The following ACSF3 variants were observed in gnomAD, a reference collection of about 807,000 sequenced individuals.
ACSF3 encodes the protein malonate--CoA ligase ACSF3, mitochondrial.
A neutral mutation model predicts 53.2 loss-of-function variants in ACSF3; 78 were observed. The ratio of observed to expected loss-of-function variants is 1.47; its 90% CI spans 1.22 to 1.77. The LOEUF is 1.77. ACSF3 is among the 40% of genes most tolerant of loss of function. The pLI, the probability that ACSF3 is intolerant of heterozygous loss-of-function variation, is 0.00. For missense variants in ACSF3, 937 were observed against 771.1 expected, an observed-to-expected ratio of 1.22 and a Z score of -2.55; for synonymous variants, 414 against 333.1, an observed-to-expected ratio of 1.24 and a Z score of -2.65.
chr16:89,126,331 C>T (rs1032682773), intron 7 of ACSF3, among the ~76,000 whole-genome samples: 6 of 151,932 alleles, frequency 3.9e-5, no homozygotes, highest in Admixed American at 1.3e-4. Context: ...TGTAGTGGTA[C>T]GATCTCAGCT....
At chr16:89,131,925 C>T (rs541633481) in intron 7 of ACSF3, among the ~76,000 whole-genome samples, 14 of 152,368 alleles carry the variant, frequency 9.2e-5, no homozygotes, top group African/African-American at 2.9e-4. Context: ...GTTTCACCCC[C>T]GTGGGTGGCG....
chr16:89,119,895 G>A (rs553136820), intron 6 of ACSF3, among the ~76,000 whole-genome samples: 1 of 152,310 alleles, frequency 6.6e-6, no homozygotes, highest in South Asian at 2.1e-4. Context: ...TTGAAGTGCC[G>A]GAAATCTCAG....
chr16:89,152,160 A>G (rs1301534685), intron 10 of ACSF3: 1 of 152,228 alleles, frequency 6.6e-6, no homozygotes, highest in Non-Finnish European at 1.5e-5. Flanking sequence ...CTCATTCAAC[A>G]CAGAGTTTGT....
intron 10 of ACSF3, chr16:89,151,135 G>A (rs1362228005): frequency 8.7e-6 from 8 of 920,788 alleles, no homozygotes; most frequent in African/African-American, 6.8e-5. Context: ...ATGGCGGCAC[G>A]GAGGGCTGCT....
chr16:89,135,061 T>C (rs1910135123), intron 8 of ACSF3, among the ~76,000 whole-genome samples: 1 of 151,018 alleles, frequency 6.6e-6, no homozygotes, highest in Admixed American at 6.6e-5. Flanking sequence ...CGGTGGTTTT[T>C]CTTTTCCTGG....
chr16:89,118,775 G>A (rs1270547329), intron 6 of ACSF3, among the ~76,000 whole-genome samples: 5 of 152,186 alleles, frequency 3.3e-5, no homozygotes, highest in African/African-American at 7.2e-5. Flanking sequence ...GGCGGTTTCC[G>A]TTCCCTGGGT....
At chr16:89,109,460 G>A (rs577113594) in intron 4 of ACSF3, among the ~76,000 whole-genome samples, 3 of 139,074 alleles carry the variant, frequency 2.2e-5, no homozygotes, top group African/African-American at 8.2e-5. Context: ...CGCTCAGGCT[G>A]GAGTGCAGTG....
At chr16:89,127,170 T>C (rs188977094) in intron 7 of ACSF3, among the ~76,000 whole-genome samples, 59 of 152,294 alleles carry the variant, frequency 3.9e-4, no homozygotes, top group African/African-American at 1.4e-3. Context: ...AATTTTGGTC[T>C]GTAGTTTCCC....
chr16:89,124,730 C>T (rs8050455), intron 7 of ACSF3, among the ~76,000 whole-genome samples: 106,651 of 151,612 alleles, frequency 0.7, 37,978 homozygotes, highest in Middle Eastern at 0.78. Context: ...ACTGCATATA[C>T]GTGTGTGTTA....
chr16:89,108,920 T>C (rs1272670088), intron 4 of ACSF3, among the ~76,000 whole-genome samples: 1 of 152,142 alleles, frequency 6.6e-6, no homozygotes, highest in Non-Finnish European at 1.5e-5. Context: ...ATGGTGACTT[T>C]CTGTTTAATG....
chr16:89,111,337 TGAG>T (rs755351972), intron 4 of ACSF3, among the ~76,000 whole-genome samples: 1 of 152,230 alleles, frequency 6.6e-6, no homozygotes, highest in African/African-American at 2.4e-5. Context: ...TGCAGTCCAG[TGAG>T]GAGATGAGAT....
At chr16:89,119,540 G>A (rs2151474955) in intron 6 of ACSF3, among the ~76,000 whole-genome samples, 1 of 152,304 alleles carries the variant, frequency 6.6e-6, no homozygotes, top group South Asian at 2.1e-4. Flanking sequence ...TGTTATGCGG[G>A]TTTCACCCCC....
intron 10 of ACSF3, 43 bp from the exon 11 acceptor site, chr16:89,154,047 C>A (rs1408047947): frequency 1.9e-6 from 3 of 1,589,900 alleles, no homozygotes; most frequent in Non-Finnish European, 1.7e-6. Flanking sequence ...TCCTGCTGGG[C>A]ACTGTCAGGG....
Position 89,145,985 on chromosome 16 carries a change from A to G in ACSF3, c.1549A>G (p.Thr517Ala), listed in dbSNP as rs1270625811. The change falls in exon 10 of 11, where the codon ACT becomes GCT. Residue 517 changes from threonine to alanine, a missense_variant. Thr to Ala is a moderately conservative substitution (Grantham distance 58). Coordinates refer to ENST00000614302, the MANE Select transcript of ACSF3 (RefSeq NM_001243279.3). ...GGATATGACATGGGGCCAGCGGGTCACTGCTGTGGTGACCCTCCGAGAAGG... is the reference window on the plus strand; with the variant it reads ...GGATATGACATGGGGCCAGCGGGTCGCTGCTGTGGTGACCCTCCGAGAAGG... ...VPDMTWGQRV[T>A]AVVTLREGHS... 1 of 1,606,046 alleles carries G rather than the reference A, an allele frequency of 6.2e-7. No individual in the cohort carries two copies.
In ACSF3 at chr16:89,137,311, C is replaced by T. The variant is rs113896887; in HGVS notation, c.1366+4049C>T. Among the ~76,000 whole-genome samples the T allele has an allele frequency of 5.3e-3, 583 of 109,396 alleles. 2 individuals carry two copies. Among genetic ancestry groups the T allele is most frequent in the African/African-American group, 0.018 (448 of 25,156 alleles). The allele number at this position is 109,396 out of a possible 152,430, so 71.8% of individuals were successfully genotyped here. On this transcript the variant is annotated intron_variant, in intron 8 of 10. Coordinates refer to ENST00000614302, the MANE Select transcript of ACSF3 (RefSeq NM_001243279.3). ...TCTCGGGAGGACCACCAGGAGCTCA[C>T]GGGGAAGGATTGAGGGGAAGAGCCC...
At position 89,154,170 on chromosome 16, in the gene ACSF3, A is replaced by T; in HGVS notation, c.1694A>T (p.Asp565Val). ...EIPRNQMGKIDKKALIRHFHP... is the reference protein window; with the variant it reads ...EIPRNQMGKIVKKALIRHFHP... ...CCGCGGAACCAGATGGGCAAGATTG[A>T]CAAGAAGGCGCTCATCAGGCACTTC... Residue 565 changes from aspartate to valine, a missense_variant, in exon 11 of 11, where the codon GAC (aspartate) becomes GTC (valine). Transcript: ENST00000614302. 1 of 1,613,628 alleles carries T rather than the reference A, an allele frequency of 6.2e-7. No homozygotes were observed. The highest frequency in any genetic ancestry group is 1.1e-5 in the South Asian group (1 of 90,914).
At position 89,155,147 on chromosome 16, in the gene ACSF3, CAG is replaced by C. The variant is rs1567759863; in HGVS notation, c.*941_*942del. ...ACTTAGCGGGGCCAATTCAGATGCA[CAG>C]GGGCCACATGCAGAATCCAGAAGTT... On this transcript the variant is annotated 3_prime_UTR_variant, in exon 11 of 11. Transcript: ENST00000614302. 4.4e-6 allele frequency: 2 copies of C among 454,158 alleles called. No homozygotes were observed. The highest frequency in any genetic ancestry group is 3.1e-5 in the South Asian group (2 of 64,470). 28.1% of individuals were successfully genotyped at this position (454,158 alleles called of 1,614,324 possible). A position where few individuals can be genotyped will look rare whatever the true frequency, so the allele number is the denominator to read the frequency against.
At position 89,120,970 on chromosome 16, in the gene ACSF3, G is replaced by C. The variant is rs3743983; in HGVS notation, c.1239+57G>C. 1,103,058 of 1,504,798 alleles carry C rather than the reference G, an allele frequency of 0.73. 408,392 individuals carry two copies. Among genetic ancestry groups the C allele is most frequent in the Admixed American group, 0.79 (46,878 of 59,644 alleles). 93.2% of individuals were successfully genotyped at this position (1,504,798 alleles called of 1,614,324 possible). On this transcript the variant is annotated intron_variant, in intron 7 of 10. Coordinates refer to ENST00000614302, the MANE Select transcript of ACSF3 (RefSeq NM_001243279.3). Reference sequence around the variant, plus strand: ...CCGTGTGTCCAGTCTAGGCCCCCCAGGGTGGTTACACTGGTGCATCTTTCC... The same window carrying C: ...CCGTGTGTCCAGTCTAGGCCCCCCACGGTGGTTACACTGGTGCATCTTTCC...
chr16:89,146,301 G>A (rs1912945264), intron 10 of ACSF3, among the ~76,000 whole-genome samples: 1 of 152,184 alleles, frequency 6.6e-6, no homozygotes, highest in Non-Finnish European at 1.5e-5. Context: ...TCCTGGGACA[G>A]GGCCCTGTAC....
Sources: gnomAD v4.1 joint callset for allele counts (sites outside exome capture counted in the v4.1 genomes callset) on GRCh38, gnomAD v4.1.1 for gene constraint, MANE v1.5 for transcripts, NCBI Gene and HGNC (gene_info 2026-07-23, HGNC 2026-07-21) for gene names.